CSMD1: variants seen among roughly 807,000 people sequenced by gnomAD.
The protein encoded by CSMD1 is CUB and Sushi multiple domains 1.
Under a neutral mutation model 417.5 loss-of-function variants are expected in CSMD1, and 213 were observed. The observed-to-expected ratio is 0.51, with a 90% CI of 0.46 to 0.57. The LOEUF is 0.57. Ranked by LOEUF, CSMD1 falls within the 20% of genes least tolerant of loss-of-function variation. The pLI is 0.00. For synonymous variants in CSMD1, 2,862 were observed against 1,736.8 expected (o/e 1.65, Z -16.11); for missense variants, 6,923 against 4,529.7 (o/e 1.53, Z -15.17).
At chr8:3,797,522 T>C (rs996424767) in intron 5 of CSMD1, among the ~76,000 whole-genome samples, 1 of 151,980 alleles carries the variant, frequency 6.6e-6, no homozygotes, top group Non-Finnish European at 1.5e-5. Flanking sequence ...TGGAATTATA[T>C]ATTAGGCAAG....
At chr8:4,623,091 A>G (rs1801873775) in intron 2 of CSMD1, among the ~76,000 whole-genome samples, 1 of 152,162 alleles carries the variant, frequency 6.6e-6, no homozygotes, top group Non-Finnish European at 1.5e-5. Flanking sequence ...CCTATAATAC[A>G]TATTTCAGTC....
At chr8:3,672,729 G>A (rs1799143962) in intron 7 of CSMD1, among the ~76,000 whole-genome samples, 1 of 152,138 alleles carries the variant, frequency 6.6e-6, no homozygotes, top group South Asian at 2.1e-4. Context: ...ATTGGCCATG[G>A]TGGATGTATT....
At chr8:3,957,719 G>A (rs999454856) in intron 5 of CSMD1, among the ~76,000 whole-genome samples, 2 of 151,018 alleles carry the variant, frequency 1.3e-5, no homozygotes, top group Admixed American at 6.6e-5. Context: ...AAAGAGAAAA[G>A]AAAAAGGAAA....
chr8:3,034,139 T>G (rs917736392), intron 50 of CSMD1, among the ~76,000 whole-genome samples: 7 of 152,226 alleles, frequency 4.6e-5, no homozygotes, highest in African/African-American at 1.7e-4. Flanking sequence ...ACCTATTTAC[T>G]CAAATAAACT....
intron 5 of CSMD1, among the ~76,000 whole-genome samples, chr8:3,837,783 G>T (rs1000180393): frequency 7.2e-6 from 1 of 139,246 alleles, no homozygotes; most frequent in Non-Finnish European, 1.7e-5. Flanking sequence ...TGTTTTCTCA[G>T]ACTGCACTAT....
chr8:4,385,370 C>T (rs1323363185), intron 3 of CSMD1, among the ~76,000 whole-genome samples: 1 of 152,150 alleles, frequency 6.6e-6, no homozygotes, highest in Non-Finnish European at 1.5e-5. Context: ...CCGACGTGGC[C>T]CCAGCCTTAA....
At chr8:4,370,952 C>T (rs544314783) in intron 3 of CSMD1, among the ~76,000 whole-genome samples, 24 of 152,142 alleles carry the variant, frequency 1.6e-4, no homozygotes, top group Non-Finnish European at 2.8e-4. Flanking sequence ...GGTTTGAATC[C>T]ATTGCTGGCG....
intron 5 of CSMD1, among the ~76,000 whole-genome samples, chr8:3,868,237 G>A (rs1031635463): frequency 6.7e-6 from 1 of 150,290 alleles, no homozygotes; most frequent in East Asian, 2.0e-4. Flanking sequence ...GGATGGGGGG[G>A]CATCTCCATT....
At chr8:3,894,378 G>C (rs1262490350) in intron 5 of CSMD1, among the ~76,000 whole-genome samples, 1 of 152,080 alleles carries the variant, frequency 6.6e-6, no homozygotes, top group Non-Finnish European at 1.5e-5. Flanking sequence ...AACTCAAGGG[G>C]AGACACATCC....
At chr8:4,396,435 C>G (rs1020349993) in intron 3 of CSMD1, among the ~76,000 whole-genome samples, 1 of 152,170 alleles carries the variant, frequency 6.6e-6, no homozygotes, top group Non-Finnish European at 1.5e-5. Flanking sequence ...CCACTGAACT[C>G]TAGCCTGGTG....
At chr8:4,324,609 G>T (rs1033945332) in intron 3 of CSMD1, among the ~76,000 whole-genome samples, 3 of 152,190 alleles carry the variant, frequency 2.0e-5, no homozygotes, top group Non-Finnish European at 4.4e-5. Flanking sequence ...CAGGTCAGTG[G>T]CCATTTATGA....
intron 5 of CSMD1, among the ~76,000 whole-genome samples, chr8:3,828,886 C>A (rs908677860): frequency 3.9e-5 from 6 of 152,156 alleles, no homozygotes; most frequent in African/African-American, 1.4e-4. Flanking sequence ...ATCACCAACC[C>A]CATGTTCACT....
chr8:3,502,753 G>A (rs1024607011), intron 10 of CSMD1, among the ~76,000 whole-genome samples: 1 of 152,294 alleles, frequency 6.6e-6, no homozygotes, highest in Non-Finnish European at 1.5e-5. Flanking sequence ...TTAGGACAGT[G>A]AAACTCTCTG....
At chr8:3,246,116 C>G (rs537921001) in intron 26 of CSMD1, among the ~76,000 whole-genome samples, 1 of 152,096 alleles carries the variant, frequency 6.6e-6, no homozygotes, top group Non-Finnish European at 1.5e-5. Context: ...GAAGGCACAT[C>G]GGTTCATGTC....
intron 54 of CSMD1, among the ~76,000 whole-genome samples, chr8:2,985,956 G>GAGGGAGGGGAGGGAA: frequency 6.9e-6 from 1 of 145,270 alleles, no homozygotes; most frequent in African/African-American, 2.6e-5. Context: ...GGAAGGGGAA[G>GAGGGAGGGGAGGGAA]GGGAAGGGGA....
intron 8 of CSMD1, among the ~76,000 whole-genome samples, chr8:3,616,148 A>G (rs1233304544): frequency 6.6e-6 from 1 of 152,146 alleles, no homozygotes; most frequent in African/African-American, 2.4e-5. Context: ...TGACATTTAC[A>G]TGGTTTGGCT....
At chr8:3,546,930 G>A (rs796759665) in intron 10 of CSMD1, among the ~76,000 whole-genome samples, 3 of 152,210 alleles carry the variant, frequency 2.0e-5, no homozygotes, top group African/African-American at 4.8e-5. Flanking sequence ...GATGGAGGGA[G>A]GATATCAGAG....
At chr8:4,140,417 G>C (rs930027433) in intron 3 of CSMD1, among the ~76,000 whole-genome samples, 4 of 150,944 alleles carry the variant, frequency 2.6e-5, no homozygotes, top group African/African-American at 7.4e-5. Flanking sequence ...AGAATTGCTT[G>C]AACCTGGGAA....
intron 7 of CSMD1, among the ~76,000 whole-genome samples, chr8:3,698,343 C>T (rs1448765716): frequency 6.6e-6 from 1 of 152,202 alleles, no homozygotes; most frequent in Non-Finnish European, 1.5e-5. Flanking sequence ...GGGTCTTTAA[C>T]AATTGCAAAA....
Sources: allele counts gnomAD v4.1 joint callset (sites outside exome capture counted in the v4.1 genomes callset), GRCh38; gene constraint gnomAD v4.1.1; transcripts MANE v1.5; gene names NCBI Gene and HGNC (gene_info 2026-07-23, HGNC 2026-07-21).